Variants in QTMAN observed in about 807,000 individuals in gnomAD.
QTMAN encodes the protein queuosine-tRNA mannosyltransferase, also known as tRNA-queuosine alpha-mannosyltransferase.
chr2:144,058,171 A>C, the QTMAN span, among the ~76,000 whole-genome samples: 9 of 127,580 alleles, frequency 7.1e-5, no homozygotes, highest in South Asian at 2.7e-4. Context: ...CACACACACA[A>C]AGAAACTTTT....
chr2:144,018,631 A>G, the QTMAN span, among the ~76,000 whole-genome samples: 1 of 152,236 alleles, frequency 6.6e-6, no homozygotes, highest in East Asian at 1.9e-4. Flanking sequence ...GCCATTACTC[A>G]TTACTACAAT....
chr2:144,262,842 C>T, the QTMAN span, among the ~76,000 whole-genome samples: 7 of 42,396 alleles, frequency 1.7e-4, no homozygotes, highest in African/African-American at 5.9e-4. Context: ...GAGAGGGGAG[C>T]GGGGAAAGGG....
the QTMAN span, among the ~76,000 whole-genome samples, chr2:144,155,204 TA>T: frequency 6.6e-6 from 1 of 152,098 alleles, no homozygotes; most frequent in South Asian, 2.1e-4. Flanking sequence ...TTCACCATCG[TA>T]AAGTATTCAA....
At chr2:144,248,069 T>C in the QTMAN span, among the ~76,000 whole-genome samples, 125 of 152,320 alleles carry the variant, frequency 8.2e-4, 1 homozygote, top group African/African-American at 2.3e-3. Flanking sequence ...GCAAAATAAG[T>C]TTTAATTTAA....
At chr2:144,009,825 C>T in the QTMAN span, among the ~76,000 whole-genome samples, 1 of 151,842 alleles carries the variant, frequency 6.6e-6, no homozygotes, top group Non-Finnish European at 1.5e-5. Flanking sequence ...GAAACTAAAA[C>T]ACAACATAAA....
chr2:143,984,388 G>T, the QTMAN span, among the ~76,000 whole-genome samples: 1 of 152,166 alleles, frequency 6.6e-6, no homozygotes, highest in Non-Finnish European at 1.5e-5. Context: ...TTTCAGAGAA[G>T]GTCAGCAGAT....
chr2:144,125,236 G>C, the QTMAN span, among the ~76,000 whole-genome samples: 3 of 151,626 alleles, frequency 2.0e-5, no homozygotes, highest in Non-Finnish European at 4.4e-5. Flanking sequence ...TTAAAAGAAG[G>C]CTTTTTTTTT....
chr2:144,046,330 GA>G, the QTMAN span, among the ~76,000 whole-genome samples: 4 of 152,168 alleles, frequency 2.6e-5, no homozygotes, highest in East Asian at 7.7e-4. Context: ...ATAAACTAAG[GA>G]CTTTTTTGTT....
At chr2:143,962,186 T>C in the QTMAN span, among the ~76,000 whole-genome samples, 12 of 152,072 alleles carry the variant, frequency 7.9e-5, no homozygotes, top group Non-Finnish European at 1.8e-4. Flanking sequence ...TGCAGTGTGA[T>C]ACATGCTTTG....
chr2:144,128,612 T>C, the QTMAN span, among the ~76,000 whole-genome samples: 1 of 151,994 alleles, frequency 6.6e-6, no homozygotes, highest in South Asian at 2.1e-4. Context: ...TTTTTTCTCT[T>C]TGCTTCTAAA....
chr2:144,257,074 C>A, the QTMAN span, among the ~76,000 whole-genome samples: 2 of 138,836 alleles, frequency 1.4e-5, no homozygotes, highest in Non-Finnish European at 1.6e-5. Context: ...AGTCTCTACT[C>A]CAGAAACAAA....
At chr2:144,224,880 C>T in the QTMAN span, among the ~76,000 whole-genome samples, 2 of 152,084 alleles carry the variant, frequency 1.3e-5, no homozygotes, top group African/African-American at 4.8e-5. Flanking sequence ...GGGTCTCAGG[C>T]CTGGATATAA....
the QTMAN span, among the ~76,000 whole-genome samples, chr2:144,101,394 T>TCACACA: frequency 3.1e-4 from 46 of 150,230 alleles, no homozygotes; most frequent in African/African-American, 7.8e-4. Flanking sequence ...TATCTCTCTC[T>TCACACA]CACACACACA....
At chr2:144,027,069 C>T in the QTMAN span, among the ~76,000 whole-genome samples, 3 of 152,158 alleles carry the variant, frequency 2.0e-5, no homozygotes, top group Admixed American at 2.0e-4. Flanking sequence ...AGAGATGATC[C>T]TCCTGTTCAG....
chr2:144,308,368 A>T, the QTMAN span, among the ~76,000 whole-genome samples: 24 of 151,894 alleles, frequency 1.6e-4, no homozygotes, highest in Non-Finnish European at 3.2e-4. Flanking sequence ...GGGTTTCACT[A>T]TGTTAGCCAG....
the QTMAN span, among the ~76,000 whole-genome samples, chr2:144,027,823 A>T: frequency 0.038 from 5,833 of 152,318 alleles, 156 homozygotes; most frequent in East Asian, 0.078. Context: ...AGGGCTTTAA[A>T]GTTAGTTAAT....
chr2:143,977,478 C>T, the QTMAN span, among the ~76,000 whole-genome samples: 7 of 152,098 alleles, frequency 4.6e-5, 1 homozygote, highest in South Asian at 4.1e-4. Context: ...GAAAGAAGCA[C>T]GACTCCACAG....
At chr2:143,950,422 G>A in the QTMAN span, among the ~76,000 whole-genome samples, 2 of 151,544 alleles carry the variant, frequency 1.3e-5, no homozygotes, top group Admixed American at 6.6e-5. Context: ...TCTTACTAGA[G>A]GCAACTTTTT....
the QTMAN span, among the ~76,000 whole-genome samples, chr2:144,037,288 C>T: frequency 1.3e-4 from 20 of 152,338 alleles, no homozygotes; most frequent in Admixed American, 4.6e-4. Context: ...TAATTTTACA[C>T]TAGGTGGATT....
Sources: gnomAD v4.1 joint callset for allele counts (sites outside exome capture counted in the v4.1 genomes callset) on GRCh38, gnomAD v4.1.1 for gene constraint, MANE v1.5 for transcripts, NCBI Gene and HGNC (gene_info 2026-07-23, HGNC 2026-07-21) for gene names.